Variants in SOX5 observed in about 807,000 individuals in gnomAD.
The protein encoded by SOX5 is SRY-box transcription factor 5, also known as transcription factor SOX-5.
A neutral mutation model predicts 92.0 loss-of-function variants in SOX5; 9 were observed. That is an observed-to-expected ratio of 0.10 (90% confidence interval 0.06 to 0.17). The LOEUF is 0.17. SOX5 is among the 10% of genes least tolerant of loss of function. The probability of loss-of-function intolerance (pLI) is 1.00; values close to 1 mark genes in which losing one functional copy is unlikely to be tolerated. For missense variants in SOX5, 642 were observed against 944.5 expected (o/e 0.68, Z 4.20); for synonymous variants, 344 against 336.3 (o/e 1.02, Z -0.25).
intron 1 of SOX5, among the ~76,000 whole-genome samples, chr12:24,448,687 C>T (rs1029312675): frequency 1.3e-5 from 2 of 152,100 alleles, no homozygotes; most frequent in Non-Finnish European, 2.9e-5. Flanking sequence ...TTAACAGATA[C>T]TTTTGCTTGC....
At chr12:24,017,508 G>T (rs1953777767) in intron 4 of SOX5, among the ~76,000 whole-genome samples, 1 of 152,088 alleles carries the variant, frequency 6.6e-6, no homozygotes. Context: ...GCTGAGGCAG[G>T]AGAATCACTT....
intron 1 of SOX5, among the ~76,000 whole-genome samples, chr12:24,374,420 G>A (rs371376531): frequency 2.6e-5 from 4 of 152,246 alleles, no homozygotes; most frequent in African/African-American, 9.6e-5. Flanking sequence ...GTTAAAGTTG[G>A]TTATTTATTC....
In SOX5 at chr12:24,036,360, A is replaced by G. The variant is rs550596766; in HGVS notation, c.-1-140336T>C. 2.0e-5 allele frequency among the ~76,000 whole-genome samples: 3 copies of G among 152,216 alleles called. No homozygotes were observed. The East Asian group carries it at 5.8e-4, about 29-fold the overall frequency. ...CATTAAACATTCCAACACTATACTTACTTAACAGCTTTTGGCATTCAAATG... is the reference window on the plus strand; with the variant it reads ...CATTAAACATTCCAACACTATACTTGCTTAACAGCTTTTGGCATTCAAATG... On this transcript the variant is annotated intron_variant, in intron 4 of 4. Transcript: ENST00000446891.
intron 1 of SOX5, among the ~76,000 whole-genome samples, chr12:24,462,925 C>A (rs1417358006): frequency 6.6e-6 from 1 of 152,144 alleles, no homozygotes; most frequent in African/African-American, 2.4e-5. Flanking sequence ...ACATTTCAAG[C>A]CTCATTTGTT....
chr12:23,758,489 T>C (rs190545229), intron 3 of SOX5, among the ~76,000 whole-genome samples: 1 of 151,864 alleles, frequency 6.6e-6, no homozygotes, highest in East Asian at 1.9e-4. Context: ...AGGTACCAGG[T>C]CCTTCACATG....
intron 4 of SOX5, among the ~76,000 whole-genome samples, chr12:23,969,082 C>T (rs1372628347): frequency 6.6e-6 from 1 of 152,192 alleles, no homozygotes; most frequent in Non-Finnish European, 1.5e-5. Flanking sequence ...GAGTCAACAT[C>T]CACCTAATTG....
chr12:24,463,062 T>A (rs958900050), intron 1 of SOX5, among the ~76,000 whole-genome samples: 2 of 152,000 alleles, frequency 1.3e-5, no homozygotes, highest in African/African-American at 2.4e-5. Flanking sequence ...TACAAAAAAA[T>A]TTAAAAATTA....
upstream of SOX5, among the ~76,000 whole-genome samples, chr12:23,952,150 G>C (rs1284712990): frequency 2.0e-5 from 3 of 152,072 alleles, no homozygotes; most frequent in Non-Finnish European, 4.4e-5. Context: ...GAGAAAAAAA[G>C]TGAAGAAGGA....
At chr12:24,420,774 A>G (rs1431248854) in intron 1 of SOX5, among the ~76,000 whole-genome samples, 2 of 152,200 alleles carry the variant, frequency 1.3e-5, no homozygotes, top group South Asian at 2.1e-4. Flanking sequence ...GTGAGTATTG[A>G]TAACTAATAT....
intron 2 of SOX5, among the ~76,000 whole-genome samples, chr12:24,307,093 C>T (rs1948652530): frequency 6.6e-6 from 1 of 152,082 alleles, no homozygotes; most frequent in Non-Finnish European, 1.5e-5. Context: ...AAAAAATTAG[C>T]TAGGCATGGT....
intron 4 of SOX5, among the ~76,000 whole-genome samples, chr12:24,191,888 T>C (rs1422502630): frequency 2.0e-5 from 3 of 152,168 alleles, no homozygotes; most frequent in African/African-American, 7.2e-5. Context: ...CTGGGGAAGA[T>C]CAAAGCTCTA....
At chr12:24,194,554 T>C (rs1956837064) in intron 4 of SOX5, among the ~76,000 whole-genome samples, 1 of 152,194 alleles carries the variant, frequency 6.6e-6, no homozygotes, top group Admixed American at 6.5e-5. Flanking sequence ...TTTAAGCTTT[T>C]ATAAATATAT....
chr12:23,572,188 C>T (rs560224174), intron 10 of SOX5, among the ~76,000 whole-genome samples: 16 of 152,276 alleles, frequency 1.1e-4, no homozygotes, highest in African/African-American at 3.8e-4. Flanking sequence ...AGATATATAG[C>T]AAAGAGCCCC....
chr12:23,565,401 C>G (rs1946899672), intron 10 of SOX5, among the ~76,000 whole-genome samples: 1 of 152,042 alleles, frequency 6.6e-6, no homozygotes, highest in Non-Finnish European at 1.5e-5. Context: ...ATGCTCTAAC[C>G]CCTGTTTATA....
intron 4 of SOX5, among the ~76,000 whole-genome samples, chr12:23,993,345 G>A (rs1468792775): frequency 2.0e-5 from 3 of 152,072 alleles, no homozygotes; most frequent in African/African-American, 7.2e-5. Context: ...AATATTAAAA[G>A]CAAAGAAAAA....
intron 4 of SOX5, among the ~76,000 whole-genome samples, chr12:23,991,341 C>CAA (rs1307441405): frequency 6.6e-6 from 1 of 150,420 alleles, no homozygotes; most frequent in East Asian, 1.9e-4. Context: ...ACAACAACAA[C>CAA]AAAAAAAATA....
chr12:24,004,341 G>A (rs1951926895), intron 4 of SOX5, among the ~76,000 whole-genome samples: 1 of 149,992 alleles, frequency 6.7e-6, no homozygotes, highest in Non-Finnish European at 1.5e-5. Context: ...GAAAATGTAA[G>A]CCATTGACAA....
intron 3 of SOX5, among the ~76,000 whole-genome samples, chr12:24,254,449 T>G (rs1940768169): frequency 1.3e-5 from 2 of 151,792 alleles, no homozygotes; most frequent in African/African-American, 4.8e-5. Flanking sequence ...TAGCTTAGCC[T>G]CACCTTCCTT....
At chr12:24,137,303 A>AG (rs1387762998) in intron 4 of SOX5, among the ~76,000 whole-genome samples, 1 of 152,068 alleles carries the variant, frequency 6.6e-6, no homozygotes, top group African/African-American at 2.4e-5. Flanking sequence ...ACAAGGTTGG[A>AG]GGGGGCTGAT....
Sources: gnomAD v4.1 joint callset for allele counts (sites outside exome capture counted in the v4.1 genomes callset) on GRCh38, gnomAD v4.1.1 for gene constraint, MANE v1.5 for transcripts, NCBI Gene and HGNC (gene_info 2026-07-23, HGNC 2026-07-21) for gene names.